KCNIP4: variants seen among roughly 807,000 people sequenced by gnomAD.
KCNIP4 encodes the protein potassium voltage-gated channel interacting protein 4, also known as Kv channel-interacting protein 4.
KCNIP4 carries 12 observed loss-of-function variants against 34.0 expected under a neutral mutation model. The observed-to-expected ratio is 0.35, with a 90% confidence interval of 0.23 to 0.57. KCNIP4 has a LOEUF of 0.57. Ranked by LOEUF, KCNIP4 falls within the 20% of genes least tolerant of loss-of-function variation. The pLI is 0.83. For synonymous variants in KCNIP4, 124 were observed against 102.2 expected, an observed-to-expected ratio of 1.21 and a Z score of -1.29; for missense variants, 238 against 311.7, an observed-to-expected ratio of 0.76 and a Z score of 1.78.
chr4:20,831,750 C>T (rs1718451428), intron 3 of KCNIP4, among the ~76,000 whole-genome samples: 1 of 152,024 alleles, frequency 6.6e-6, no homozygotes, highest in African/African-American at 2.4e-5. Context: ...ATATGGAGTC[C>T]CAAAAGAAAC....
At chr4:21,761,383 T>A (rs562170299) in intron 1 of KCNIP4, among the ~76,000 whole-genome samples, 1 of 152,144 alleles carries the variant, frequency 6.6e-6, no homozygotes, top group South Asian at 2.1e-4. Flanking sequence ...ATTCAAATAA[T>A]CTAAAATTTG....
intron 1 of KCNIP4, among the ~76,000 whole-genome samples, chr4:21,433,203 C>T (rs935418686): frequency 3.3e-5 from 5 of 152,176 alleles, no homozygotes; most frequent in Admixed American, 6.5e-5. Context: ...CAAGCTGAAG[C>T]TTGAAATATA....
intron 1 of KCNIP4, among the ~76,000 whole-genome samples, chr4:21,790,463 G>C (rs943327516): frequency 4.6e-5 from 7 of 152,092 alleles, no homozygotes; most frequent in African/African-American, 1.7e-4. Flanking sequence ...GGAGGCTTTA[G>C]AGGTGGGATT....
chr4:21,566,277 G>A (rs1020586712), intron 1 of KCNIP4, among the ~76,000 whole-genome samples: 1 of 152,174 alleles, frequency 6.6e-6, no homozygotes, highest in African/African-American at 2.4e-5. Context: ...CTAGACAACA[G>A]GTGAATAGAC....
chr4:21,570,241 G>A (rs1740258578), intron 1 of KCNIP4, among the ~76,000 whole-genome samples: 1 of 152,148 alleles, frequency 6.6e-6, no homozygotes, highest in Non-Finnish European at 1.5e-5. Flanking sequence ...GATAGCGGTA[G>A]GACTTGGAAC....
intron 1 of KCNIP4, among the ~76,000 whole-genome samples, chr4:21,757,467 A>C (rs1717745362): frequency 6.6e-6 from 1 of 152,148 alleles, no homozygotes; most frequent in African/African-American, 2.4e-5. Context: ...ACTTAGCAAA[A>C]GAATCACAAT....
Position 20,795,358 on chromosome 4 carries a change from A to G in KCNIP4, c.289-36468T>C, listed in dbSNP as rs1315410079. On this transcript the variant is annotated intron_variant, in intron 3 of 8. Transcript: ENST00000382152. ...AATCAAGTGGCTATAAATGTATTAAAATACATCCGAAGCCTATAGCCCTAA... is the reference window on the plus strand; with the variant it reads ...AATCAAGTGGCTATAAATGTATTAAGATACATCCGAAGCCTATAGCCCTAA... 3.3e-5 allele frequency among the ~76,000 whole-genome samples: 5 copies of G among 152,234 alleles called. No individual in the cohort carries two copies. The East Asian group carries it at 9.7e-4, about 29-fold the overall frequency.
chr4:21,307,436 T>G (rs965724074), intron 1 of KCNIP4, among the ~76,000 whole-genome samples: 5 of 152,138 alleles, frequency 3.3e-5, no homozygotes. Flanking sequence ...ATCACTACCC[T>G]CTGAACCAGT....
At chr4:21,401,064 G>A (rs1243605557) in intron 1 of KCNIP4, among the ~76,000 whole-genome samples, 2 of 152,114 alleles carry the variant, frequency 1.3e-5, no homozygotes, top group African/African-American at 4.8e-5. Flanking sequence ...GGGAGGCTGA[G>A]GCAGGAGAGT....
intron 1 of KCNIP4, among the ~76,000 whole-genome samples, chr4:21,311,604 G>T (rs527697770): frequency 6.6e-6 from 1 of 152,110 alleles, no homozygotes; most frequent in Admixed American, 6.5e-5. Context: ...CGGGAGAATC[G>T]CTTGAACCCA....
intron 1 of KCNIP4, among the ~76,000 whole-genome samples, chr4:21,650,039 T>C (rs1747355627): frequency 6.6e-6 from 1 of 152,178 alleles, no homozygotes; most frequent in African/African-American, 2.4e-5. Flanking sequence ...CCTACTATGT[T>C]TTAACCCCAA....
chr4:21,683,880 A>C (rs909986189), intron 1 of KCNIP4, among the ~76,000 whole-genome samples: 2 of 152,114 alleles, frequency 1.3e-5, no homozygotes, highest in Non-Finnish European at 2.9e-5. Flanking sequence ...TGTCCCAGTT[A>C]CTCGAGACTG....
chr4:21,618,834 C>T (rs1480686663), intron 1 of KCNIP4, among the ~76,000 whole-genome samples: 1 of 151,750 alleles, frequency 6.6e-6, no homozygotes, highest in East Asian at 1.9e-4. Context: ...GGGATTTCAC[C>T]CTCTTAGCCA....
intron 1 of KCNIP4, among the ~76,000 whole-genome samples, chr4:20,978,083 T>C (rs1226946497): frequency 2.0e-5 from 3 of 152,190 alleles, no homozygotes; most frequent in Non-Finnish European, 4.4e-5. Flanking sequence ...AAGTGTTGCT[T>C]TTCCATCAAA....
chr4:21,617,303 T>C (rs1744671902), intron 1 of KCNIP4, among the ~76,000 whole-genome samples: 1 of 152,188 alleles, frequency 6.6e-6, no homozygotes. Flanking sequence ...CTGTAGTCCC[T>C]CTGCTATGAG....
intron 1 of KCNIP4, among the ~76,000 whole-genome samples, chr4:21,401,224 T>G (rs1001626667): frequency 1.3e-5 from 2 of 152,198 alleles, no homozygotes; most frequent in African/African-American, 4.8e-5. Context: ...CCTGATTTTG[T>G]TCTCTATTAA....
At chr4:20,879,455 C>G (rs770212997) in intron 2 of KCNIP4, among the ~76,000 whole-genome samples, 24 of 152,172 alleles carry the variant, frequency 1.6e-4, no homozygotes, top group Non-Finnish European at 2.6e-4. Context: ...TGATAGTCTT[C>G]TCAAACATCA....
chr4:21,180,082 C>T (rs966201488), intron 1 of KCNIP4, among the ~76,000 whole-genome samples: 5 of 152,114 alleles, frequency 3.3e-5, no homozygotes, highest in African/African-American at 4.8e-5. Flanking sequence ...GTACTCTCTC[C>T]GTTGAATCTA....
intron 1 of KCNIP4, among the ~76,000 whole-genome samples, chr4:21,688,518 T>C (rs1196277788): frequency 6.6e-6 from 1 of 152,170 alleles, no homozygotes; most frequent in Non-Finnish European, 1.5e-5. Flanking sequence ...AATTAAATGC[T>C]GAACAATATG....
Sources: allele counts gnomAD v4.1 joint callset (sites outside exome capture counted in the v4.1 genomes callset), GRCh38; gene constraint gnomAD v4.1.1; transcripts MANE v1.5; gene names NCBI Gene and HGNC (gene_info 2026-07-23, HGNC 2026-07-21).